Variants in PNPT1 observed in about 807,000 individuals in gnomAD.
PNPT1 encodes the protein polyribonucleotide nucleotidyltransferase 1.
PNPT1 carries 53 observed loss-of-function variants against 119.5 expected under a neutral mutation model. The observed-to-expected ratio is 0.44, with a 90% CI of 0.36 to 0.56. The LOEUF (loss-of-function observed/expected upper bound fraction) is 0.56. PNPT1 is among the 20% of genes least tolerant of loss of function. The probability of loss-of-function intolerance (pLI) is 0.00; values close to 1 mark genes in which losing one functional copy is unlikely to be tolerated. For synonymous variants in PNPT1, 357 were observed against 322.1 expected (o/e 1.11, Z -1.16); for missense variants, 948 against 938.5 (o/e 1.01, Z -0.13).
At chr2:55,667,723 G>C (rs185893564) in intron 12 of PNPT1, 139 bp downstream of exon 12, 1 of 1,127,294 alleles carries the variant, frequency 8.9e-7, no homozygotes, top group East Asian at 2.9e-5. Flanking sequence ...TTCAATAGGT[G>C]TCCATTTATA....
Position 55,666,343 on chromosome 2 carries a change from C to G in PNPT1, c.1176+648G>C, listed in dbSNP as rs745348031. ...GCATGACCATAGATTATTGCAACCT[C>G]GAACTCCTGGCCTCAAGCAATCCTC... On this transcript the variant is annotated intron_variant, in intron 13 of 27. Transcript: ENST00000447944. Among the ~76,000 whole-genome samples the G allele has an allele frequency of 2.7e-4, 41 of 152,108 alleles. 1 individual carries two copies. The highest frequency in any genetic ancestry group is 5.4e-4 in the Non-Finnish European group (37 of 68,022).
intron 12 of PNPT1, among the ~76,000 whole-genome samples, chr2:55,667,576 ACT>A (rs943895295): frequency 7.2e-6 from 1 of 138,784 alleles, no homozygotes; most frequent in Non-Finnish European, 1.5e-5. Context: ...ACAGAGCGAG[ACT>A]CTGTCTCAAA....
chr2:55,688,714 G>C (rs1221721435), intron 1 of PNPT1, among the ~76,000 whole-genome samples: 1 of 151,852 alleles, frequency 6.6e-6, no homozygotes, highest in Non-Finnish European at 1.5e-5. Flanking sequence ...GACAGAGTGA[G>C]ACTCTGTAAC....
intron 8 of PNPT1, among the ~76,000 whole-genome samples, chr2:55,673,796 T>TTA (rs1328106761): frequency 6.6e-6 from 1 of 152,036 alleles, no homozygotes; most frequent in East Asian, 1.9e-4. Flanking sequence ...TGTGAACTGT[T>TTA]TATATTATTT....
chr2:55,636,479 A>G (rs1335437688), intron 27 of PNPT1, 87 bp from the exon 28 acceptor site: 24 of 1,368,732 alleles, frequency 1.8e-5, no homozygotes, highest in Middle Eastern at 3.6e-4. Context: ...ACATGGTCCA[A>G]ATAAGGCAAT....
At chr2:55,642,218 TAAAG>T (rs1002759569) in intron 25 of PNPT1, among the ~76,000 whole-genome samples, 17 of 151,862 alleles carry the variant, frequency 1.1e-4, no homozygotes, top group Non-Finnish European at 2.2e-4. Context: ...AAAAAAGAAA[TAAAG>T]AAATATTGCT....
At chr2:55,642,530 C>T (rs956331683) in intron 25 of PNPT1, among the ~76,000 whole-genome samples, 12 of 140,796 alleles carry the variant, frequency 8.5e-5, no homozygotes, top group Non-Finnish European at 1.6e-4. Context: ...GGCGTGAACC[C>T]GGGAGGCAGA....
chr2:55,668,258 A>T (rs1037153849), intron 11 of PNPT1, among the ~76,000 whole-genome samples: 1 of 152,096 alleles, frequency 6.6e-6, no homozygotes, highest in Non-Finnish European at 1.5e-5. Context: ...TCTTTTGGAG[A>T]CAAAGTCTCA....
At chr2:55,666,839 TCAAACAAAACAAA>T (rs1262386416) in intron 13 of PNPT1, 139 bp downstream of exon 13, 3 of 544,722 alleles carry the variant, frequency 5.5e-6, no homozygotes, top group Admixed American at 7.6e-5. Flanking sequence ...AGAACCTGTC[TCAAACAAAACAAA>T]CAAGAACCGC....
chr2:55,654,193 G>A (rs1307658966), intron 18 of PNPT1, among the ~76,000 whole-genome samples: 1 of 148,080 alleles, frequency 6.8e-6, no homozygotes, highest in Non-Finnish European at 1.5e-5. Flanking sequence ...GGAGGCGGAG[G>A]TTGCAGTGAG....
At chr2:55,637,678 G>C in intron 26 of PNPT1, 79 bp from the exon 27 acceptor site, 2 of 1,237,484 alleles carry the variant, frequency 1.6e-6, no homozygotes, top group Non-Finnish European at 1.2e-6. Context: ...TTTTCCTCAA[G>C]CTTTATTAGT....
chr2:55,641,626 T>C (rs191764197), intron 25 of PNPT1, among the ~76,000 whole-genome samples: 331 of 152,294 alleles, frequency 2.2e-3, no homozygotes, highest in Non-Finnish European at 3.0e-3. Flanking sequence ...AAACTAATCT[T>C]CCCTTTTTTC....
intron 5 of PNPT1, among the ~76,000 whole-genome samples, chr2:55,683,527 C>T (rs915850461): frequency 8.0e-5 from 12 of 150,140 alleles, no homozygotes; most frequent in Non-Finnish European, 3.0e-5. Flanking sequence ...GCAGGAGAAT[C>T]ACTTGAACCT....
intron 18 of PNPT1, among the ~76,000 whole-genome samples, chr2:55,650,946 G>T (rs1173674445): frequency 4.0e-5 from 6 of 149,980 alleles, no homozygotes; most frequent in Admixed American, 3.3e-4. Context: ...GAGGGAGGTG[G>T]GGGGATCAGC....
At chr2:55,637,931 T>C in intron 26 of PNPT1, among the ~76,000 whole-genome samples, 1 of 131,622 alleles carries the variant, frequency 7.6e-6, no homozygotes. Context: ...ACCCAGGAGG[T>C]GGAGCTTGCA....
chr2:55,670,939 G>C (rs556188595), intron 11 of PNPT1, among the ~76,000 whole-genome samples: 2 of 150,782 alleles, frequency 1.3e-5, no homozygotes, highest in African/African-American at 4.9e-5. Flanking sequence ...AGCAATGAGA[G>C]TAACATTTAT....
At position 55,677,596 on chromosome 2, in the gene PNPT1, CAAAAAAAAAAAA is replaced by C. The variant is rs70954146; in HGVS notation, c.679+2074_679+2085del. On this transcript the variant is annotated intron_variant, in intron 8 of 27. Coordinates refer to ENST00000447944, the MANE Select transcript of PNPT1 (RefSeq NM_033109.5). ...TGGGCAACAGAGCGAGACTATGTCT[CAAAAAAAAAAAA>C]AAAAAAAAAAAAAAGATTATTAGTT... 1.2e-4 allele frequency among the ~76,000 whole-genome samples: 4 copies of C among 33,504 alleles called. No homozygotes were observed. In the South Asian group the frequency reaches 3.9e-3, roughly 32 times the overall value. The allele number at this position is 33,504 out of a possible 152,430, so 22.0% of individuals were successfully genotyped here.
Position 55,646,401 on chromosome 2 carries a change from G to C in PNPT1, c.1674+14C>G, listed in dbSNP as rs993870014. 6.2e-7 allele frequency: 1 copy of C among 1,609,122 alleles called. No individual in the cohort carries two copies. Among genetic ancestry groups the C allele is most frequent in the East Asian group, 2.2e-5 (1 of 44,776 alleles). ...AATGTTACAAAAATGAAACAAAATG[G>C]GTTTTAAAAATACCTGTAATGCAGT... On this transcript the variant is annotated intron_variant, in intron 20 of 27. Coordinates refer to ENST00000447944, the MANE Select transcript of PNPT1 (RefSeq NM_033109.5).
chr2:55,690,967 C>T (rs782582), intron 1 of PNPT1, among the ~76,000 whole-genome samples: 141,517 of 152,312 alleles, frequency 0.93, 66,293 homozygotes, highest in African/African-American at 0.96. Flanking sequence ...AAATGTAAAT[C>T]TGACATCTTG....
Sources: gnomAD v4.1 joint callset for allele counts (sites outside exome capture counted in the v4.1 genomes callset) on GRCh38, gnomAD v4.1.1 for gene constraint, MANE v1.5 for transcripts, NCBI Gene and HGNC (gene_info 2026-07-23, HGNC 2026-07-21) for gene names.